The following ERICH1 variants were observed in gnomAD, a reference collection of about 807,000 sequenced individuals.
ERICH1 encodes the protein glutamate rich 1, also known as glutamate-rich protein 1.
ERICH1 carries 56 observed loss-of-function variants against 39.6 expected under a neutral mutation model. The ratio of observed to expected loss-of-function variants is 1.41; its 90% CI spans 1.14 to 1.77. ERICH1 has a LOEUF of 1.77. Among genes scored for constraint, ERICH1 ranks in the 40% most tolerant of loss-of-function variants. The probability of loss-of-function intolerance (pLI) is 0.00; values close to 1 mark genes in which losing one functional copy is unlikely to be tolerated. For synonymous variants in ERICH1, 313 were observed against 223.6 expected (o/e 1.40, Z -3.57); for missense variants, 826 against 575.4 (o/e 1.44, Z -4.45).
rs752198490 is a variant in ERICH1 at position 673,579 on chromosome 8, G to A, written c.773C>T (p.Pro258Leu). The A allele has an allele frequency of 2.0e-5, 31 of 1,550,098 alleles. 1 individual carries two copies. Among genetic ancestry groups the A allele is most frequent in the South Asian group, 9.2e-5 (8 of 86,960 alleles). ...EEGADASEED[P>L]TPAGEEDVKD... ...AACGTCTTCCTCCCCGGCCGGTGTC[G>A]GATCTTCCTCACTGGCGTCCGCACC... The change falls in exon 4 of 6, where the codon CCG becomes CTG. Residue 258 changes from proline (P) to leucine (L), a missense_variant. Coordinates refer to ENST00000262109, the MANE Select transcript of ERICH1 (RefSeq NM_207332.3).
In ERICH1 at chr8:673,844, G is replaced by A. The variant is rs769065556; in HGVS notation, c.508C>T (p.Gln170Ter). ...CCGGCTGCTTTCTTCCTTTTAATTT[G>A]CTGTTTCTTTTTCAGTTTCCTTTTT... Reference protein sequence around the residue: ...NKKRKLKKKQQIKRKKAAGLA... With the variant: ...NKKRKLKKKQ Residue 170 changes from glutamine (Q) to a stop codon, truncating the protein, a stop_gained, in exon 4 of 6, where the codon CAA (glutamine) becomes TAA (stop). Coordinates refer to ENST00000262109, the MANE Select transcript of ERICH1 (RefSeq NM_207332.3). LOFTEE classifies it high-confidence loss of function. The A allele has an allele frequency of 1.9e-6, 3 of 1,613,900 alleles. No individual in the cohort carries two copies. The highest frequency in any genetic ancestry group is 3.3e-5 in the Admixed American group (2 of 60,004).
At chr8:621,649 G>C (rs1246125132) in intron 3 of ERICH1, among the ~76,000 whole-genome samples, 1 of 151,914 alleles carries the variant, frequency 6.6e-6, no homozygotes, top group African/African-American at 2.4e-5. Context: ...AAATCAACAA[G>C]ACCAATGGTT....
At chr8:615,314 G>T in intron 3 of ERICH1, 1 of 653,762 alleles carries the variant, frequency 1.5e-6, no homozygotes, top group Non-Finnish European at 2.7e-6. Flanking sequence ...GAGATCAGTT[G>T]TGTTCATCAT....
intron 3 of ERICH1, among the ~76,000 whole-genome samples, chr8:639,975 A>G (rs1426916739): frequency 1.3e-5 from 2 of 152,190 alleles, no homozygotes; most frequent in Non-Finnish European, 2.9e-5. Context: ...AAGAAGAATA[A>G]TGCTCCCTAA....
At chr8:660,868 G>A (rs1455471370), downstream of ERICH1, among the ~76,000 whole-genome samples, 1 of 152,074 alleles carries the variant, frequency 6.6e-6, no homozygotes, top group Non-Finnish European at 1.5e-5. Context: ...GCTCTCCTGG[G>A]TGGTTCTCGG....
intron 2 of ERICH1, 133 bp downstream of exon 2, chr8:715,728 C>T (rs1319341687): frequency 5.6e-6 from 7 of 1,255,940 alleles, no homozygotes; most frequent in Non-Finnish European, 7.7e-6. Context: ...CTGCCCTGCC[C>T]ACCTGCTGCA....
chr8:684,202 T>G (rs1031257431), intron 3 of ERICH1, among the ~76,000 whole-genome samples: 7 of 152,174 alleles, frequency 4.6e-5, no homozygotes, highest in African/African-American at 1.7e-4. Context: ...AGTGCTAAAT[T>G]CCCTTAAATA....
chr8:615,168 C>A, exon 4 of ERICH1: 1 of 633,032 alleles, frequency 1.6e-6, no homozygotes, highest in Non-Finnish European at 2.8e-6. Context: ...CACACAAAGT[C>A]GAAAGTAGAC....
At position 707,340 on chromosome 8, in the gene ERICH1, T is replaced by C. The variant is rs1304215263; in HGVS notation, c.169+8521A>G. On this transcript the variant is annotated intron_variant, in intron 2 of 5. Coordinates refer to ENST00000262109, the MANE Select transcript of ERICH1 (RefSeq NM_207332.3). Reference sequence around the variant, plus strand: ...CTACTGCGTCAGCCTCCCAGGTAGCTGGGACTACAGGTACCTGCCACCATG... The same window carrying C: ...CTACTGCGTCAGCCTCCCAGGTAGCCGGGACTACAGGTACCTGCCACCATG... Among the ~76,000 whole-genome samples the C allele has an allele frequency of 2.6e-5, 4 of 152,024 alleles. No homozygotes were observed. In the South Asian group the frequency reaches 6.2e-4, roughly 24 times the overall value.
chr8:620,709 A>C (rs1797229316), intron 3 of ERICH1, among the ~76,000 whole-genome samples: 1 of 152,214 alleles, frequency 6.6e-6, no homozygotes, highest in Admixed American at 6.5e-5. Context: ...AAAGACAAAC[A>C]CTTTGTAATG....
chr8:730,748 G>C (rs940917428), intron 1 of ERICH1, among the ~76,000 whole-genome samples: 1 of 152,232 alleles, frequency 6.6e-6, no homozygotes, highest in Non-Finnish European at 1.5e-5. Context: ...TTTCGGTGAG[G>C]CTGCCGGAGC....
Position 647,953 on chromosome 8 carries a change from G to A in ERICH1, c.976+20645C>T, listed in dbSNP as rs1563184973. ...CTGCAAGTTAAAACTCACTGCATCA[G>A]TTACTGAAAGGAGGAGGGCGGAATG... On this transcript the variant is annotated intron_variant, in intron 3 of 3. Transcript: ENST00000522706. 3.0e-5 allele frequency among the ~76,000 whole-genome samples: 2 copies of A among 67,738 alleles called. 1 individual carries two copies. The highest frequency in any genetic ancestry group is 9.1e-5 in the Non-Finnish European group (2 of 22,040). The allele number at this position is 67,738 out of a possible 152,430, so 44.4% of individuals were successfully genotyped here.
At chr8:713,170 G>A (rs895967062) in intron 2 of ERICH1, among the ~76,000 whole-genome samples, 7 of 152,214 alleles carry the variant, frequency 4.6e-5, no homozygotes, top group African/African-American at 1.7e-4. Flanking sequence ...GGATTAGGGT[G>A]CACCCTGACG....
intron 3 of ERICH1, among the ~76,000 whole-genome samples, chr8:683,725 A>G (rs547714984): frequency 4.6e-5 from 7 of 152,322 alleles, no homozygotes; most frequent in African/African-American, 1.7e-4. Flanking sequence ...CTAGATGCTA[A>G]AGTTTTGTGA....
intron 2 of ERICH1, among the ~76,000 whole-genome samples, chr8:694,455 G>A (rs1369141720): frequency 3.3e-5 from 5 of 152,202 alleles, no homozygotes; most frequent in Non-Finnish European, 7.3e-5. Flanking sequence ...CATTAGGATG[G>A]ACACGGGAGG....
At chr8:709,369 C>T (rs78380509) in intron 2 of ERICH1, among the ~76,000 whole-genome samples, 36,501 of 151,988 alleles carry the variant, frequency 0.24, 5,501 homozygotes, top group Non-Finnish European at 0.34. Flanking sequence ...TCTGCACCCT[C>T]ACCCTGGGGG....
At chr8:682,595 C>T (rs900067792) in intron 3 of ERICH1, among the ~76,000 whole-genome samples, 2 of 152,196 alleles carry the variant, frequency 1.3e-5, no homozygotes, top group Non-Finnish European at 2.9e-5. Context: ...AACCAGAGGC[C>T]GGGCTATTTA....
intron 1 of ERICH1, among the ~76,000 whole-genome samples, chr8:723,396 G>A (rs778304775): frequency 6.6e-6 from 1 of 152,146 alleles, no homozygotes; most frequent in Non-Finnish European, 1.5e-5. Context: ...CCACTTAATA[G>A]ACTTACAAAC....
At chr8:655,245 C>T (rs574430387) in intron 3 of ERICH1, among the ~76,000 whole-genome samples, 23 of 152,328 alleles carry the variant, frequency 1.5e-4, no homozygotes, top group African/African-American at 4.8e-4. Flanking sequence ...AGGAGACAGA[C>T]GCTGTCCAAC....
Sources: allele counts gnomAD v4.1 joint callset (sites outside exome capture counted in the v4.1 genomes callset), GRCh38; gene constraint gnomAD v4.1.1; transcripts MANE v1.5; gene names NCBI Gene and HGNC (gene_info 2026-07-23, HGNC 2026-07-21).